SPECC1: variants seen among roughly 807,000 people sequenced by gnomAD.
The protein encoded by SPECC1 is sperm antigen with calponin homology and coiled-coil domains 1.
A neutral mutation model predicts 104.1 loss-of-function variants in SPECC1; 62 were observed. The ratio of observed to expected loss-of-function variants is 0.60; its 90% CI spans 0.49 to 0.74. SPECC1 has a LOEUF of 0.74. Ranked by LOEUF, SPECC1 falls within the 30% of genes least tolerant of loss-of-function variation. SPECC1 has a pLI of 0.00. For synonymous variants in SPECC1, 513 were observed against 501.6 expected (o/e 1.02, Z -0.30); for missense variants, 1,306 against 1,310.5 (o/e 1.00, Z 0.05).
intron 3 of SPECC1, among the ~76,000 whole-genome samples, chr17:20,199,372 C>T (rs2036253588): frequency 7.0e-6 from 1 of 143,350 alleles, no homozygotes; most frequent in African/African-American, 2.6e-5. Context: ...CAGGCGTGAG[C>T]CACCGTGCTG....
intron 1 of SPECC1, among the ~76,000 whole-genome samples, chr17:20,081,188 A>G (rs1373961694): frequency 1.3e-5 from 2 of 151,898 alleles, no homozygotes; most frequent in Admixed American, 1.3e-4. Context: ...GGTATTTTCA[A>G]GGCCATTTGA....
chr17:20,085,238 A>C (rs538462040), intron 1 of SPECC1, among the ~76,000 whole-genome samples: 1 of 152,158 alleles, frequency 6.6e-6, no homozygotes, highest in Admixed American at 6.5e-5. Context: ...TCCAACAAAG[A>C]GGAGGTGGAG....
chr17:20,222,852 A>G (rs2037970834), intron 4 of SPECC1, among the ~76,000 whole-genome samples: 1 of 152,058 alleles, frequency 6.6e-6, no homozygotes, highest in Non-Finnish European at 1.5e-5. Context: ...TTTCTCTGTC[A>G]TGTTTGACAT....
intron 9 of SPECC1, among the ~76,000 whole-genome samples, chr17:20,249,969 A>G (rs2151555017): frequency 6.6e-6 from 1 of 152,324 alleles, no homozygotes; most frequent in Middle Eastern, 3.4e-3. Context: ...CCCAAGTGAG[A>G]TAAGTACAAA....
intron 12 of SPECC1, among the ~76,000 whole-genome samples, chr17:20,273,428 C>T (rs2040472319): frequency 6.6e-6 from 1 of 151,014 alleles, no homozygotes; most frequent in Admixed American, 6.6e-5. Context: ...GATCGTGCCA[C>T]TGCATTCCAG....
At position 20,205,737 on chromosome 17, in the gene SPECC1, AGAAAGCC is replaced by A; in HGVS notation, c.1689_1695del (p.Lys564GlnfsTer19). The A allele has an allele frequency of 6.2e-7, 1 of 1,614,242 alleles. No homozygotes were observed. The highest frequency in any genetic ancestry group is 8.5e-7 in the Non-Finnish European group (1 of 1,180,044). ...AAGTCTCATTTGCAGGGTGAGAAGC[AGAAAGCC>A]ACAGAGGCCAGTGCTGTGGAGCAGA... On this transcript the variant is annotated frameshift_variant, in exon 4 of 15. Transcript: ENST00000395527. LOFTEE classifies it high-confidence loss of function.
intron 1 of SPECC1, among the ~76,000 whole-genome samples, chr17:20,062,162 A>T (rs995383237): frequency 2.0e-5 from 3 of 151,330 alleles, no homozygotes; most frequent in Admixed American, 6.6e-5. Flanking sequence ...CTGAGGCAGG[A>T]GAATGGCGTG....
At chr17:20,091,145 T>G (rs1240725206) in intron 1 of SPECC1, among the ~76,000 whole-genome samples, 1 of 152,210 alleles carries the variant, frequency 6.6e-6, no homozygotes, top group East Asian at 1.9e-4. Flanking sequence ...TTGGAATTTT[T>G]CTTCTGATGC....
chr17:20,141,777 C>T (rs1160437329), intron 3 of SPECC1, among the ~76,000 whole-genome samples: 1 of 152,196 alleles, frequency 6.6e-6, no homozygotes, highest in African/African-American at 2.4e-5. Context: ...TCCCTTGACT[C>T]TCCCTGCCAC....
At chr17:20,287,423 C>CAAA (rs61713120) in intron 12 of SPECC1, among the ~76,000 whole-genome samples, 43 of 98,040 alleles carry the variant, frequency 4.4e-4, no homozygotes, top group African/African-American at 6.6e-4. Flanking sequence ...GACTCCGTCT[C>CAAA]AAAAAAAAAA....
chr17:20,264,578 T>C lies in SPECC1; in HGVS notation c.2940+4284T>C, dbSNP rs180924568. Among the ~76,000 whole-genome samples, 216 of 148,970 alleles carry C rather than the reference T, an allele frequency of 1.4e-3. 1 individual carries two copies. Among genetic ancestry groups the C allele is most frequent in the African/African-American group, 5.2e-3 (211 of 40,528 alleles). On this transcript the variant is annotated intron_variant, in intron 12 of 14. Coordinates refer to ENST00000395527, the MANE Select transcript of SPECC1 (RefSeq NM_001243439.2). Reference sequence around the variant, plus strand: ...CTTCCACCTCCCAGGTTCTAGCAATTCTCCTGCCTTAGCCTCCCAAGTAGC... The same window carrying C: ...CTTCCACCTCCCAGGTTCTAGCAATCCTCCTGCCTTAGCCTCCCAAGTAGC...
At chr17:20,025,580 G>T (rs904468165) in intron 1 of SPECC1, among the ~76,000 whole-genome samples, 1 of 152,108 alleles carries the variant, frequency 6.6e-6, no homozygotes. Context: ...CTAGTGTATG[G>T]ATAATACCGC....
intron 1 of SPECC1, among the ~76,000 whole-genome samples, chr17:20,072,275 C>G (rs1346798450): frequency 1.3e-5 from 2 of 152,228 alleles, no homozygotes; most frequent in Non-Finnish European, 2.9e-5. Context: ...TGGCTTAAAG[C>G]CAGCCTGAAT....
chr17:20,060,779 G>T (rs1044494969), intron 1 of SPECC1, among the ~76,000 whole-genome samples: 2 of 152,090 alleles, frequency 1.3e-5, no homozygotes, highest in African/African-American at 4.8e-5. Context: ...AAATCATTTT[G>T]CTCTGTCAAT....
intron 1 of SPECC1, among the ~76,000 whole-genome samples, chr17:20,058,825 C>T (rs999991372): frequency 1.3e-4 from 19 of 144,920 alleles, no homozygotes; most frequent in Non-Finnish European, 2.3e-4. Context: ...ATTTATTGTT[C>T]ACTTTATTTC....
intron 12 of SPECC1, among the ~76,000 whole-genome samples, chr17:20,289,748 G>A (rs536273574): frequency 6.4e-4 from 97 of 152,310 alleles, no homozygotes; most frequent in Middle Eastern, 3.4e-3. Context: ...TAGAATTAGA[G>A]ATAATTTTAG....
intron 3 of SPECC1, among the ~76,000 whole-genome samples, chr17:20,119,410 T>C (rs1437043346): frequency 6.6e-6 from 1 of 152,210 alleles, no homozygotes; most frequent in African/African-American, 2.4e-5. Flanking sequence ...TGTTGTACTT[T>C]TAGTTGAGAT....
At chr17:20,251,222 C>A (rs1205081529) in intron 9 of SPECC1, among the ~76,000 whole-genome samples, 2 of 16,758 alleles carry the variant, frequency 1.2e-4, no homozygotes, top group African/African-American at 4.9e-3. Flanking sequence ...AAGACTCTAT[C>A]TCAAAAAAAA....
intron 1 of SPECC1, among the ~76,000 whole-genome samples, chr17:20,089,241 C>T (rs1281120244): frequency 2.6e-5 from 4 of 152,156 alleles, no homozygotes; most frequent in African/African-American, 7.2e-5. Context: ...AGCTACCTCA[C>T]AGGGTAGTCA....
Sources: allele counts gnomAD v4.1 joint callset (sites outside exome capture counted in the v4.1 genomes callset), GRCh38; gene constraint gnomAD v4.1.1; transcripts MANE v1.5; gene names NCBI Gene and HGNC (gene_info 2026-07-23, HGNC 2026-07-21).